Variants in CARMIL1 observed in about 807,000 individuals in gnomAD.
CARMIL1 encodes the protein F-actin-uncapping protein LRRC16A.
A neutral mutation model predicts 177.1 loss-of-function variants in CARMIL1; 90 were observed. The observed-to-expected ratio is 0.51, with a 90% CI of 0.43 to 0.61. CARMIL1 has a LOEUF of 0.61. CARMIL1 is among the 20% of genes least tolerant of loss of function. The pLI is 0.00. For missense variants in CARMIL1, 1,380 were observed against 1,667.0 expected, an observed-to-expected ratio of 0.83 and a Z score of 3.00; for synonymous variants, 577 against 606.2, an observed-to-expected ratio of 0.95 and a Z score of 0.71.
At chr6:25,331,940 A>G (rs2150282869) in intron 2 of CARMIL1, among the ~76,000 whole-genome samples, 1 of 152,360 alleles carries the variant, frequency 6.6e-6, no homozygotes, top group South Asian at 2.1e-4. Context: ...TGCCAGGAAA[A>G]AAGAACTTTT....
At chr6:25,586,199 G>A (rs12207674) in intron 31 of CARMIL1, among the ~76,000 whole-genome samples, 36,744 of 149,734 alleles carry the variant, frequency 0.25, 4,644 homozygotes, top group Middle Eastern at 0.3. Context: ...CTTCCCGGAC[G>A]GGGTGGCTGC....
At chr6:25,550,618 G>A (rs868004708) in intron 26 of CARMIL1, among the ~76,000 whole-genome samples, 4 of 152,076 alleles carry the variant, frequency 2.6e-5, no homozygotes, top group African/African-American at 7.2e-5. Flanking sequence ...TAATCTTCTC[G>A]TTAATGGCTT....
At chr6:25,376,461 A>C (rs964090528) in intron 2 of CARMIL1, among the ~76,000 whole-genome samples, 3 of 152,136 alleles carry the variant, frequency 2.0e-5, no homozygotes, top group Admixed American at 6.5e-5. Context: ...TTGACTTAAA[A>C]ATTTTTTTTC....
intron 23 of CARMIL1, among the ~76,000 whole-genome samples, chr6:25,520,925 C>A (rs1426791072): frequency 6.6e-6 from 1 of 152,146 alleles, no homozygotes; most frequent in Non-Finnish European, 1.5e-5. Context: ...TCATCCTTCT[C>A]TTTTTATGGC....
In CARMIL1 at chr6:25,579,440, A is replaced by T. The variant is rs1384546622; in HGVS notation, c.2743-1484A>T. Among the ~76,000 whole-genome samples, 3 of 152,202 alleles carry T rather than the reference A, an allele frequency of 2.0e-5. No homozygotes were observed. The East Asian group carries it at 5.8e-4, about 29-fold the overall frequency. ...AGAACTTGTTGCGACCAAACACAGC[A>T]TATATTTTGATAGCTTGTATCTCCT... is the stretch of plus-strand genomic sequence containing the variant. On this transcript the variant is annotated intron_variant, in intron 29 of 36. Coordinates refer to ENST00000329474, the MANE Select transcript of CARMIL1 (RefSeq NM_017640.6).
At chr6:25,376,006 T>G (rs1429219219) in intron 2 of CARMIL1, among the ~76,000 whole-genome samples, 1 of 152,210 alleles carries the variant, frequency 6.6e-6, no homozygotes, top group East Asian at 1.9e-4. Flanking sequence ...TCATCTTGGT[T>G]TGGATCCATT....
At chr6:25,321,390 G>C (rs934921485) in intron 2 of CARMIL1, among the ~76,000 whole-genome samples, 4 of 152,126 alleles carry the variant, frequency 2.6e-5, no homozygotes, top group Non-Finnish European at 5.9e-5. Flanking sequence ...TGCTTCCAAA[G>C]CCTAGAGGAG....
At chr6:25,315,472 A>C (rs540097442) in intron 2 of CARMIL1, among the ~76,000 whole-genome samples, 1 of 152,316 alleles carries the variant, frequency 6.6e-6, no homozygotes, top group East Asian at 1.9e-4. Context: ...ATGCCCACAC[A>C]TGGCGGCAGG....
chr6:25,595,480 G>A (rs111766343), intron 32 of CARMIL1, among the ~76,000 whole-genome samples: 5 of 152,218 alleles, frequency 3.3e-5, no homozygotes, highest in African/African-American at 9.6e-5. Context: ...CCAATTATTT[G>A]TCTTCTTTGA....
At chr6:25,340,777 G>GTTTTTTTGTT (rs1786824364) in intron 2 of CARMIL1, among the ~76,000 whole-genome samples, 3 of 86,136 alleles carry the variant, frequency 3.5e-5, no homozygotes, top group African/African-American at 1.2e-4. Context: ...GTCAATGAAG[G>GTTTTTTTGTT]TTTTTTTTTT....
At chr6:25,459,246 CTTTCTTTCTTTCTTTCTTTCTTTT>C (rs1372390333) in intron 8 of CARMIL1, among the ~76,000 whole-genome samples, 67 of 110,968 alleles carry the variant, frequency 6.0e-4, no homozygotes, top group African/African-American at 2.2e-3. Flanking sequence ...TTCTTTCTTT[CTTTCTTTCTTTCTTTCTTTCTTTT>C]TTTTTTTTTT....
intron 2 of CARMIL1, among the ~76,000 whole-genome samples, chr6:25,397,287 C>G (rs9467488): frequency 0.42 from 63,726 of 151,990 alleles, 13,568 homozygotes; most frequent in Middle Eastern, 0.58. Flanking sequence ...CTCATACAAG[C>G]GGAAGTGCTG....
In CARMIL1 at chr6:25,286,049, T is replaced by G. The variant is rs1252114171; in HGVS notation, c.138+1140T>G. 5.3e-5 allele frequency among the ~76,000 whole-genome samples: 8 copies of G among 152,216 alleles called. No individual in the cohort carries two copies. The East Asian group carries it at 1.5e-3, about 29-fold the overall frequency. On this transcript the variant is annotated intron_variant, in intron 2 of 36. Coordinates refer to ENST00000329474, the MANE Select transcript of CARMIL1 (RefSeq NM_017640.6). ...ATCATGCCCAGCTAATTTTGTTTAT[T>G]TTTTGTAGAGACAGGGTCTCCCTGT...
intron 2 of CARMIL1, chr6:25,383,476 TGTTTAAATTACTG>T (rs1235247972): frequency 6.6e-6 from 1 of 152,230 alleles, no homozygotes; most frequent in Non-Finnish European, 1.5e-5. Context: ...ACAAAATCTA[TGTTTAAATTACTG>T]GTATTAGTAT....
intron 11 of CARMIL1, among the ~76,000 whole-genome samples, chr6:25,474,405 G>A (rs191507227): frequency 6.6e-5 from 10 of 151,960 alleles, no homozygotes; most frequent in East Asian, 1.9e-4. Context: ...GTGAGCCACC[G>A]CACCCAGCTG....
rs751197439 is a variant in CARMIL1 at position 25,450,742 on chromosome 6, TCCTCCCTC to T, written c.614+35_614+42del. 36 of 776,102 alleles carry T rather than the reference TCCTCCCTC, an allele frequency of 4.6e-5. No individual in the cohort carries two copies. The African/African-American group carries it at 8.6e-4, about 19-fold the overall frequency. 48.1% of individuals were successfully genotyped at this position (776,102 alleles called of 1,614,324 possible). ...CTGCTTCCTTCCTTCTTTCCTCCTT[TCCTCCCTC>T]CCTTCCTCCCTCCCTTCCTCCCTCC... On this transcript the variant is annotated intron_variant, in intron 8 of 36. Coordinates refer to ENST00000329474, the MANE Select transcript of CARMIL1 (RefSeq NM_017640.6).
chr6:25,384,592 A>G (rs79222483), intron 2 of CARMIL1, among the ~76,000 whole-genome samples: 7,972 of 152,310 alleles, frequency 0.052, 276 homozygotes, highest in Non-Finnish European at 0.088. Flanking sequence ...ATGGCACTGT[A>G]TGGACACCAG....
At chr6:25,458,375 G>A (rs1799718465) in intron 8 of CARMIL1, among the ~76,000 whole-genome samples, 1 of 150,954 alleles carries the variant, frequency 6.6e-6, no homozygotes, top group African/African-American at 2.4e-5. Flanking sequence ...TGTAGCCCCA[G>A]CTCCTTGGGA....
Position 25,581,379 on chromosome 6 carries a change from G to C in CARMIL1, c.2946G>C (p.Leu982=). 6.2e-7 allele frequency: 1 copy of C among 1,613,514 alleles called. No homozygotes were observed. Among genetic ancestry groups the C allele is most frequent in the South Asian group, 1.1e-5 (1 of 90,968 alleles). The change falls in exon 31 of 37, where the codon CTG becomes CTC. Residue 982 remains leucine (L), a synonymous_variant. Coordinates refer to ENST00000329474, the MANE Select transcript of CARMIL1 (RefSeq NM_017640.6). ...TGCCCTCTGAAGAGGGGAAGAAGCT[G>C]GAACACTTTACCAAGTTAAGGCCAA... ...SELPSEEGKK[L]EHFTKLRPKR... is the part of the protein sequence containing the mutation.
Sources: gnomAD v4.1 joint callset for allele counts (sites outside exome capture counted in the v4.1 genomes callset) on GRCh38, gnomAD v4.1.1 for gene constraint, MANE v1.5 for transcripts, NCBI Gene and HGNC (gene_info 2026-07-23, HGNC 2026-07-21) for gene names.